FAM184B: variants seen among roughly 807,000 people sequenced by gnomAD.
FAM184B encodes the protein family with sequence similarity 184 member B.
In FAM184B, 111 loss-of-function variants were observed where a neutral mutation model predicts 135.9. That is an observed-to-expected ratio of 0.82 (90% CI 0.70 to 0.96). The LOEUF (loss-of-function observed/expected upper bound fraction) is 0.96. FAM184B is among the 40% of genes least tolerant of loss of function. FAM184B has a pLI of 0.00. For synonymous variants in FAM184B, 552 were observed against 524.8 expected (o/e 1.05, Z -0.71); for missense variants, 1,375 against 1,323.9 (o/e 1.04, Z -0.60).
Position 17,659,969 on chromosome 4 carries a change from AT to A in FAM184B, c.1812del (p.Lys604AsnfsTer52), listed in dbSNP as rs1336890032. ...LEEDWQSQKA[K>X]LQAQVSQMQQ... Reference sequence around the variant, plus strand: ...CAGGGTTGTCCTACCTGGGCTTGCAATTTGGCCTTCTGGCTTTGCCAGTCCT... The same window carrying A: ...CAGGGTTGTCCTACCTGGGCTTGCAATTGGCCTTCTGGCTTTGCCAGTCCT... On this transcript the variant is annotated frameshift_variant, in exon 9 of 18. Coordinates refer to ENST00000265018, the MANE Select transcript of FAM184B (RefSeq NM_015688.2). LOFTEE classifies it high-confidence loss of function. 1.3e-6 allele frequency: 2 copies of A among 1,550,914 alleles called. No individual in the cohort carries two copies. The highest frequency in any genetic ancestry group is 2.4e-5 in the South Asian group (2 of 84,020).
rs746797150 is a variant in FAM184B, at chr4:17,707,756, C to A, written c.923G>T (p.Arg308Leu). 8 of 1,551,956 alleles carry A rather than the reference C, an allele frequency of 5.2e-6. No homozygotes were observed. In the East Asian group the frequency reaches 2.0e-4, roughly 38 times the overall value. ...GCCTTTCAACTCTGAATTCTCCTGTCGAGCCTCCTTAAGCTGCACATCCAG... is the reference window on the plus strand; with the variant it reads ...GCCTTTCAACTCTGAATTCTCCTGTAGAGCCTCCTTAAGCTGCACATCCAG... ...QDLDVQLKEA[R>L]QENSELKGTA... is the part of the protein sequence containing the mutation. The change falls in exon 3 of 18, where the codon CGA becomes CTA. Residue 308 changes from arginine to leucine, a missense_variant. Physicochemically the swap from Arg to Leu is moderately radical, Grantham distance 102. Coordinates refer to ENST00000265018, the MANE Select transcript of FAM184B (RefSeq NM_015688.2).
At chr4:17,652,367 A>G (rs967549948) in intron 11 of FAM184B, among the ~76,000 whole-genome samples, 1 of 150,698 alleles carries the variant, frequency 6.6e-6, no homozygotes, top group Non-Finnish European at 1.5e-5. Context: ...CTTGTGATCC[A>G]CCCGCCTCAG....
At chr4:17,714,846 G>A (rs1462750277) in intron 1 of FAM184B, among the ~76,000 whole-genome samples, 3 of 152,072 alleles carry the variant, frequency 2.0e-5, no homozygotes, top group Non-Finnish European at 4.4e-5. Flanking sequence ...GGGCACTTTG[G>A]CATGTTCACA....
At chr4:17,645,525 T>C (rs530157401) in intron 12 of FAM184B, among the ~76,000 whole-genome samples, 7 of 152,234 alleles carry the variant, frequency 4.6e-5, no homozygotes, top group East Asian at 1.9e-4. Context: ...GCTAGCCATA[T>C]GTAGAAAGCT....
Position 17,684,063 on chromosome 4 carries a change from G to A in FAM184B, c.1596+4361C>T, listed in dbSNP as rs138922245. Among the ~76,000 whole-genome samples the A allele has an allele frequency of 1.8e-3, 238 of 132,274 alleles. 1 individual carries two copies. Among genetic ancestry groups the A allele is most frequent in the African/African-American group, 6.4e-3 (221 of 34,756 alleles). The allele number at this position is 132,274 out of a possible 152,430, so 86.8% of individuals were successfully genotyped here. ...ACCCTGGGTAGCAGAACAAGACCCA[G>A]TCTCAAGAATAATAATAATAATAGT... On this transcript the variant is annotated intron_variant, in intron 7 of 17. Transcript: ENST00000265018.
intron 1 of FAM184B, among the ~76,000 whole-genome samples, chr4:17,724,237 G>C (rs2108973966): frequency 6.6e-6 from 1 of 152,248 alleles, no homozygotes; most frequent in Admixed American, 6.5e-5. Context: ...GTAAGATTAT[G>C]GGTGATCAAT....
chr4:17,631,855 A>C lies in FAM184B; in HGVS notation c.*677T>G. On this transcript the variant is annotated 3_prime_UTR_variant, in exon 18 of 18. Transcript: ENST00000265018. ...TCATTTTACATAGAAACAGCTTTCC[A>C]GTGGAGTTGACTAGCATCCTAAGGA... 1 of 152,210 alleles carries C rather than the reference A, an allele frequency of 6.6e-6. No homozygotes were observed. The highest frequency in any genetic ancestry group is 2.4e-5 in the African/African-American group (1 of 41,514). 9.4% of individuals were successfully genotyped at this position (152,210 alleles called of 1,614,324 possible). A position where few individuals can be genotyped will look rare whatever the true frequency, so the allele number is the denominator to read the frequency against.
At chr4:17,638,047 C>T (rs1257017272) in intron 14 of FAM184B, among the ~76,000 whole-genome samples, 2 of 151,742 alleles carry the variant, frequency 1.3e-5, no homozygotes, top group African/African-American at 2.4e-5. Flanking sequence ...ACATCACCTC[C>T]TCACAGAGGC....
intron 1 of FAM184B, 39 bp from the exon 2 acceptor site, chr4:17,709,683 G>C: frequency 6.9e-7 from 1 of 1,450,772 alleles, no homozygotes. Flanking sequence ...GGGTGAGGGG[G>C]CTGGGGTGTG....
chr4:17,705,960 T>C (rs1268381697), intron 3 of FAM184B, 69 bp from the exon 4 acceptor site: 2 of 1,537,674 alleles, frequency 1.3e-6, no homozygotes, highest in Admixed American at 3.9e-5. Context: ...GGCTTTCTGC[T>C]GTCAGGCCCC....
chr4:17,746,129 T>A (rs1718154886), intron 1 of FAM184B, among the ~76,000 whole-genome samples: 1 of 151,982 alleles, frequency 6.6e-6, no homozygotes, highest in Non-Finnish European at 1.5e-5. Flanking sequence ...TGGCTAATTT[T>A]TGTATTTTTA....
intron 3 of FAM184B, among the ~76,000 whole-genome samples, chr4:17,706,735 A>G (rs13142617): frequency 0.72 from 109,185 of 152,016 alleles, 40,126 homozygotes; most frequent in Non-Finnish European, 0.81. Flanking sequence ...TTGGGAGGCC[A>G]AGGTGAGGGG....
intron 6 of FAM184B, among the ~76,000 whole-genome samples, chr4:17,691,399 C>T (rs1159098122): frequency 6.6e-6 from 1 of 152,096 alleles, no homozygotes; most frequent in Non-Finnish European, 1.5e-5. Flanking sequence ...AAAAAAAGAG[C>T]TCTGGGCTGG....
intron 11 of FAM184B, among the ~76,000 whole-genome samples, chr4:17,651,274 A>T (rs1052938733): frequency 6.6e-6 from 1 of 152,140 alleles, no homozygotes; most frequent in African/African-American, 2.4e-5. Flanking sequence ...GCAGTGGCTC[A>T]CGCCTGTAAT....
chr4:17,755,432 A>G (rs1437692369), intron 1 of FAM184B, among the ~76,000 whole-genome samples: 1 of 152,212 alleles, frequency 6.6e-6, no homozygotes, highest in Non-Finnish European at 1.5e-5. Context: ...GGTTGTGGAG[A>G]AAAAGGAATG....
chr4:17,759,927 C>T (rs2108992027), intron 1 of FAM184B, among the ~76,000 whole-genome samples: 1 of 152,278 alleles, frequency 6.6e-6, no homozygotes, highest in South Asian at 2.1e-4. Flanking sequence ...CAATAGTCAT[C>T]AGATGAGGAA....
intron 1 of FAM184B, among the ~76,000 whole-genome samples, chr4:17,765,793 A>T (rs1260498573): frequency 6.6e-6 from 1 of 152,248 alleles, no homozygotes; most frequent in Non-Finnish European, 1.5e-5. Flanking sequence ...CAGTACTTAA[A>T]GGTGGTGTGT....
intron 1 of FAM184B, among the ~76,000 whole-genome samples, chr4:17,733,089 A>G (rs1577281735): frequency 6.6e-6 from 1 of 152,176 alleles, no homozygotes; most frequent in African/African-American, 2.4e-5. Context: ...CAAAAACCAC[A>G]TGATTATCTC....
chr4:17,704,834 C>T (rs1717070016), intron 5 of FAM184B, among the ~76,000 whole-genome samples, 166 bp downstream of exon 5: 1 of 152,156 alleles, frequency 6.6e-6, no homozygotes, highest in Admixed American at 6.5e-5. Flanking sequence ...TGCTATCTAT[C>T]ATAACTGTAT....
Sources: gnomAD v4.1 joint callset for allele counts (sites outside exome capture counted in the v4.1 genomes callset) on GRCh38, gnomAD v4.1.1 for gene constraint, MANE v1.5 for transcripts, NCBI Gene and HGNC (gene_info 2026-07-23, HGNC 2026-07-21) for gene names.